C16orf78: variants seen among roughly 807,000 people sequenced by gnomAD.
The protein encoded by C16orf78 is uncharacterized protein C16orf78.
A neutral mutation model predicts 27.3 loss-of-function variants in C16orf78; 19 were observed. That is an observed-to-expected ratio of 0.70 (90% CI 0.49 to 1.02). C16orf78 has a LOEUF of 1.02. C16orf78 is among the 50% of genes least tolerant of loss of function. The pLI, the probability that C16orf78 is intolerant of heterozygous loss-of-function variation, is 0.00. For missense variants in C16orf78, 339 were observed against 337.0 expected (o/e 1.01, Z -0.05); for synonymous variants, 130 against 116.1 (o/e 1.12, Z -0.77).
In C16orf78 at chr16:49,374,074, G is replaced by T. The variant is rs780204271; in HGVS notation, c.135G>T (p.Lys45Asn). Residue 45 changes from lysine (K) to asparagine (N), a missense_variant, in exon 1 of 5, where the codon AAG (lysine) becomes AAT (asparagine). Lys to Asn is a moderately conservative substitution (Grantham distance 94, BLOSUM62 0). Coordinates refer to ENST00000299191, the MANE Select transcript of C16orf78 (RefSeq NM_144602.4). ...LEWLERRQGK[K>N]KQAPEKQKPK... ...GGCTGGAGCGGAGGCAGGGGAAGAA[G>T]AAACAAGCTCCCGAGGTGGGTACCA... The T allele has an allele frequency of 1.2e-6, 2 of 1,614,094 alleles. No individual in the cohort carries two copies. Among genetic ancestry groups the T allele is most frequent in the South Asian group, 2.2e-5 (2 of 91,066 alleles).
chr16:49,388,188 T>G (rs1295215389), intron 3 of C16orf78, among the ~76,000 whole-genome samples: 2 of 152,150 alleles, frequency 1.3e-5, no homozygotes, highest in East Asian at 1.9e-4. Context: ...AAATGGTTTT[T>G]TGTGTGTGTC....
At chr16:49,390,119 C>A (rs993945175) in intron 3 of C16orf78, among the ~76,000 whole-genome samples, 1 of 152,172 alleles carries the variant, frequency 6.6e-6, no homozygotes, top group African/African-American at 2.4e-5. Context: ...AGCTGGCTCT[C>A]TTCCTAATTT....
At position 49,374,227 on chromosome 16, in the gene C16orf78, C is replaced by T. The variant is rs78605843; in HGVS notation, c.150+138C>T. 1,354 of 1,023,754 alleles carry T rather than the reference C, an allele frequency of 1.3e-3. 14 individuals carry two copies. In the African/African-American group the frequency reaches 0.02, roughly 15 times the overall value. 63.4% of individuals were successfully genotyped at this position (1,023,754 alleles called of 1,614,324 possible). A position where few individuals can be genotyped will look rare whatever the true frequency, so the allele number is the denominator to read the frequency against. Reference sequence around the variant, plus strand: ...CTGGGATAAGCTAGTGAGAACTACCCAAGGACATTAAGGGGGTGGGGGAAT... The same window carrying T: ...CTGGGATAAGCTAGTGAGAACTACCTAAGGACATTAAGGGGGTGGGGGAAT... On this transcript the variant is annotated intron_variant, in intron 1 of 4. Transcript: ENST00000299191.
At chr16:49,378,316 T>C (rs556631591) in intron 2 of C16orf78, among the ~76,000 whole-genome samples, 154 bp from the exon 3 acceptor site, 1 of 152,236 alleles carries the variant, frequency 6.6e-6, no homozygotes, top group South Asian at 2.1e-4. Context: ...ACCCTGCCCC[T>C]CCGACCTCTC....
chr16:49,374,188 A>C (rs1373198117), intron 1 of C16orf78, 99 bp downstream of exon 1: 1 of 1,462,294 alleles, frequency 6.8e-7, no homozygotes, highest in African/African-American at 1.4e-5. Context: ...AAAAGGCGGG[A>C]TGGTTTTGAA....
chr16:49,378,689 G>A, intron 3 of C16orf78, 96 bp downstream of exon 3: 5 of 1,543,962 alleles, frequency 3.2e-6, no homozygotes, highest in Non-Finnish European at 3.5e-6. Flanking sequence ...TAGAGCAGTA[G>A]CGTCCACGTC....
Position 49,399,234 on chromosome 16 carries a change from G to T in C16orf78, c.754G>T (p.Asp252Tyr), listed in dbSNP as rs765522743. 11 of 1,614,176 alleles carry T rather than the reference G, an allele frequency of 6.8e-6. No individual in the cohort carries two copies. In the South Asian group the frequency reaches 1.1e-4, roughly 16 times the overall value. The change falls in exon 5 of 5, where the codon GAT (aspartate) becomes TAT (tyrosine). Residue 252 changes from aspartate (D) to tyrosine (Y), a missense_variant. By Grantham distance (160) the Asp-to-Tyr change is radical. Transcript: ENST00000299191. ...CCCCCACATGGTCGAAGAGGACATAGATGCTAAAAAGGTGTTCACCGGAAT... is the reference window on the plus strand; with the variant it reads ...CCCCCACATGGTCGAAGAGGACATATATGCTAAAAAGGTGTTCACCGGAAT... ...IHPHMVEEDI[D>Y]AKKVFTGIPS...
chr16:49,394,526 C>T (rs929900032), intron 3 of C16orf78, among the ~76,000 whole-genome samples: 1 of 151,196 alleles, frequency 6.6e-6, no homozygotes, highest in Admixed American at 6.6e-5. Context: ...CCAGTGAAAA[C>T]TCTATGTCAA....
intron 3 of C16orf78, among the ~76,000 whole-genome samples, chr16:49,388,079 G>T (rs1178002496): frequency 1.3e-5 from 2 of 152,058 alleles, no homozygotes; most frequent in Non-Finnish European, 2.9e-5. Flanking sequence ...GAGCCTAGGA[G>T]TTCAAGACCA....
At chr16:49,383,846 G>C (rs896147805) in intron 3 of C16orf78, among the ~76,000 whole-genome samples, 1 of 152,110 alleles carries the variant, frequency 6.6e-6, no homozygotes, top group Admixed American at 6.5e-5. Flanking sequence ...CAAATACGTT[G>C]AGTTTCTTCA....
At chr16:49,393,957 T>C (rs748489660) in intron 3 of C16orf78, among the ~76,000 whole-genome samples, 4 of 152,168 alleles carry the variant, frequency 2.6e-5, no homozygotes, top group Admixed American at 2.0e-4. Flanking sequence ...TACAATACAT[T>C]TTAAAACCTA....
intron 3 of C16orf78, among the ~76,000 whole-genome samples, chr16:49,388,177 C>T (rs2111245): frequency 0.4 from 61,115 of 151,838 alleles, 14,763 homozygotes; most frequent in African/African-American, 0.68. Context: ...CTTGATCTTG[C>T]AAATGGTTTT....
At chr16:49,395,629 C>T (rs1336243682) in intron 3 of C16orf78, among the ~76,000 whole-genome samples, 1 of 152,210 alleles carries the variant, frequency 6.6e-6, no homozygotes, top group Non-Finnish European at 1.5e-5. Flanking sequence ...ACATCAGACA[C>T]TTACCATTAC....
chr16:49,393,408 AT>A (rs1433932660), intron 3 of C16orf78, among the ~76,000 whole-genome samples: 1 of 152,236 alleles, frequency 6.6e-6, no homozygotes, highest in Non-Finnish European at 1.5e-5. Context: ...CATAAAAAAA[AT>A]TAACATTCAA....
In C16orf78 at chr16:49,373,905, C is replaced by A. The variant is rs564382669; in HGVS notation, c.-35C>A. On this transcript the variant is annotated 5_prime_UTR_variant, in exon 1 of 5. Transcript: ENST00000299191. ...GATCGAAAGAGTGAGACAGTGCCAG[C>A]CACCTCCCACCCAAGCCACTAGCAA... 1 of 1,611,712 alleles carries A rather than the reference C, an allele frequency of 6.2e-7. No individual in the cohort carries two copies. Among genetic ancestry groups the A allele is most frequent in the South Asian group, 1.1e-5 (1 of 90,554 alleles).
intron 3 of C16orf78, among the ~76,000 whole-genome samples, chr16:49,393,251 C>G (rs1351356711): frequency 2.0e-5 from 3 of 152,046 alleles, no homozygotes; most frequent in Non-Finnish European, 4.4e-5. Flanking sequence ...TCCTTCAGAA[C>G]CAAATAGAAG....
In C16orf78 at chr16:49,399,262, C is replaced by T; in HGVS notation, c.782C>T (p.Pro261Leu). Residue 261 changes from proline to leucine, a missense_variant, in exon 5 of 5, where the codon CCC becomes CTC. Physicochemically the swap from Pro to Leu is moderately conservative, Grantham distance 98. Coordinates refer to ENST00000299191, the MANE Select transcript of C16orf78 (RefSeq NM_144602.4). ...GCTAAAAAGGTGTTCACCGGAATAC[C>T]CAGCATGGCCCTCTAAATAGCTCCT... ...IDAKKVFTGI[P>L]SMAL 6 of 1,614,080 alleles carry T rather than the reference C, an allele frequency of 3.7e-6. No individual in the cohort carries two copies. Among genetic ancestry groups the T allele is most frequent in the Non-Finnish European group, 5.1e-6 (6 of 1,179,986 alleles).
intron 3 of C16orf78, among the ~76,000 whole-genome samples, chr16:49,396,009 G>A (rs1367871008): frequency 6.6e-6 from 1 of 152,194 alleles, no homozygotes; most frequent in Non-Finnish European, 1.5e-5. Flanking sequence ...TTGGGAGGCT[G>A]AGGCAGGTGG....
At chr16:49,378,681 G>A in intron 3 of C16orf78, 88 bp downstream of exon 3, 5 of 1,565,496 alleles carry the variant, frequency 3.2e-6, no homozygotes, top group Non-Finnish European at 4.3e-6. Flanking sequence ...GCCATTCTTA[G>A]AGCAGTAGCG....
Sources: gnomAD v4.1 joint callset for allele counts (sites outside exome capture counted in the v4.1 genomes callset) on GRCh38, gnomAD v4.1.1 for gene constraint, MANE v1.5 for transcripts, NCBI Gene and HGNC (gene_info 2026-07-23, HGNC 2026-07-21) for gene names.